The following FLNB variants were observed in gnomAD, a reference collection of about 807,000 sequenced individuals.
FLNB encodes filamin B.
A neutral mutation model predicts 250.6 loss-of-function variants in FLNB; 111 were observed. The ratio of observed to expected loss-of-function variants is 0.44; its 90% CI spans 0.38 to 0.52. The LOEUF is 0.52. Ranked by LOEUF, FLNB falls within the 20% of genes least tolerant of loss-of-function variation. The pLI, the probability that FLNB is intolerant of heterozygous loss-of-function variation, is 0.00. For missense variants in FLNB, 2,869 were observed against 3,447.8 expected, an observed-to-expected ratio of 0.83 and a Z score of 4.20; for synonymous variants, 1,302 against 1,372.1, an observed-to-expected ratio of 0.95 and a Z score of 1.13.
intron 1 of FLNB, among the ~76,000 whole-genome samples, chr3:58,015,785 C>A (rs1024110867): frequency 3.9e-5 from 6 of 152,112 alleles, no homozygotes; most frequent in Non-Finnish European, 7.3e-5. Context: ...GATCTAGGTG[C>A]CAAGCCCTCT....
At chr3:58,137,548 C>A (rs1208261310) in intron 28 of FLNB, among the ~76,000 whole-genome samples, 3 of 152,228 alleles carry the variant, frequency 2.0e-5, no homozygotes, top group Non-Finnish European at 2.9e-5. Flanking sequence ...GTTCTTGCCA[C>A]CCTCCCTATT....
rs577053764 is a variant in FLNB at position 58,076,547 on chromosome 3, C to T, written c.293-499C>T. Among the ~76,000 whole-genome samples, 53 of 152,224 alleles carry T rather than the reference C, an allele frequency of 3.5e-4. No homozygotes were observed. The South Asian group carries it at 9.5e-3, about 27-fold the overall frequency. ...TCAGCTCTCTGCAACTTTCACTTCC[C>T]GGGCTCAAGCGATCCTCCAACCTCA... On this transcript the variant is annotated intron_variant, in intron 1 of 45. Coordinates refer to ENST00000295956, the MANE Select transcript of FLNB (RefSeq NM_001457.4).
chr3:58,135,412 T>G (rs1415174202), intron 27 of FLNB, among the ~76,000 whole-genome samples: 1 of 152,142 alleles, frequency 6.6e-6, no homozygotes, highest in Non-Finnish European at 1.5e-5. Flanking sequence ...CTGCCAGTGC[T>G]CTGGCCATCA....
rs369261330 is a variant in FLNB, at chr3:58,125,756, C to G, written c.4061+13C>G. 207 of 1,613,586 alleles carry G rather than the reference C, an allele frequency of 1.3e-4. No individual in the cohort carries two copies. The highest frequency in any genetic ancestry group is 1.6e-4 in the Non-Finnish European group (190 of 1,179,762). ...CCGTGGTTACCAGGTAGGCAAGGCC[C>G]TACATTTGGTGTCTTGAGTCTCACT... On this transcript the variant is annotated intron_variant, in intron 23 of 45. Coordinates refer to ENST00000295956, the MANE Select transcript of FLNB (RefSeq NM_001457.4).
intron 8 of FLNB, among the ~76,000 whole-genome samples, chr3:58,100,674 T>A (rs1183827143): frequency 1.3e-5 from 2 of 150,160 alleles, no homozygotes; most frequent in African/African-American, 2.5e-5. Flanking sequence ...CTTGGCTCAC[T>A]GCAGCTTCTG....
chr3:58,076,765 T>TTATGGAAAATTTTAGGCG (rs1239478992), intron 1 of FLNB, among the ~76,000 whole-genome samples: 2 of 152,090 alleles, frequency 1.3e-5, no homozygotes, highest in Non-Finnish European at 2.9e-5. Flanking sequence ...CTGGCCATTA[T>TTATGGAAAATTTTAGGCG]TATGGAAAAT....
chr3:58,079,985 G>A (rs1047901226), intron 3 of FLNB, among the ~76,000 whole-genome samples: 2 of 152,126 alleles, frequency 1.3e-5, no homozygotes, highest in African/African-American at 2.4e-5. Context: ...TGGTTTCTTG[G>A]CTCGTCCACC....
At chr3:58,149,698 C>T in intron 36 of FLNB, 152 bp from the exon 37 acceptor site, 1 of 908,674 alleles carries the variant, frequency 1.1e-6, no homozygotes, top group Non-Finnish European at 1.7e-6. Context: ...TACTCATCCC[C>T]CTCTGGGCTT....
chr3:58,155,974 T>G lies in FLNB; in HGVS notation c.6787T>G (p.Ser2263Ala), dbSNP rs1575468854. The G allele has an allele frequency of 6.2e-7, 1 of 1,611,816 alleles. No individual in the cohort carries two copies. Among genetic ancestry groups the G allele is most frequent in the East Asian group, 2.2e-5 (1 of 44,874 alleles). The stretch of plus-strand genomic sequence containing the variant: ...TGTCCTCATAGGTAACTACGAGGTG[T>G]CCATCAAGTTCAATGATGAGCACAT... ...IAQEPGNYEV[S>A]IKFNDEHIPE... is the part of the protein sequence containing the mutation. The change falls in exon 41 of 46, where the codon TCC becomes GCC. Residue 2263 changes from serine to alanine, a missense_variant. By Grantham distance (99) the Ser-to-Ala change is moderately conservative. Transcript: ENST00000295956.
chr3:58,143,635 A>G (rs1231471495), intron 32 of FLNB, 22 bp downstream of exon 32: 7 of 1,613,254 alleles, frequency 4.3e-6, no homozygotes, highest in Non-Finnish European at 5.9e-6. Context: ...CAGCAGGCCC[A>G]GCAGGGCTCC....
At chr3:58,115,023 C>T (rs891257585) in intron 18 of FLNB, among the ~76,000 whole-genome samples, 4 of 152,146 alleles carry the variant, frequency 2.6e-5, no homozygotes, top group African/African-American at 9.7e-5. Flanking sequence ...TAACAGTTCT[C>T]GTGTGCAGGT....
rs747540841 is a variant in FLNB at position 58,102,303 on chromosome 3, A to G, written c.1446A>G (p.Ala482=). 2.5e-6 allele frequency: 4 copies of G among 1,614,116 alleles called. No homozygotes were observed. In the African/African-American group the frequency reaches 4.0e-5, roughly 16 times the overall value. Reference sequence around the variant, plus strand: ...ATTTCAAGGTTGACACCAAAGCTGCAGGAAGTGGGGAGCTCGGTGTAACCA... The same window carrying G: ...ATTTCAAGGTTGACACCAAAGCTGCGGGAAGTGGGGAGCTCGGTGTAACCA... ...TTDFKVDTKA[A]GSGELGVTMK... is the part of the protein sequence containing the mutation. The change falls in exon 9 of 46, where the codon GCA becomes GCG. Residue 482 remains alanine, a synonymous_variant. Coordinates refer to ENST00000295956, the MANE Select transcript of FLNB (RefSeq NM_001457.4).
chr3:58,161,668 A>T (rs2097361985), intron 42 of FLNB, among the ~76,000 whole-genome samples: 3 of 152,338 alleles, frequency 2.0e-5, no homozygotes, highest in South Asian at 2.1e-4. Flanking sequence ...GACATCCAAG[A>T]CAGGTTTCAG....
chr3:58,160,808 C>T (rs1164110011), intron 42 of FLNB, among the ~76,000 whole-genome samples: 1 of 151,290 alleles, frequency 6.6e-6, no homozygotes, highest in African/African-American at 2.4e-5. Flanking sequence ...TAGTGAGACC[C>T]CTTCTCTACA....
chr3:58,019,659 G>C (rs1373261745), intron 1 of FLNB, among the ~76,000 whole-genome samples: 1 of 148,010 alleles, frequency 6.8e-6, no homozygotes, highest in Non-Finnish European at 1.5e-5. Flanking sequence ...AGAAGAGACT[G>C]TTTTCTGCTT....
intron 1 of FLNB, among the ~76,000 whole-genome samples, chr3:58,063,936 G>T (rs906731178): frequency 6.6e-6 from 1 of 151,710 alleles, no homozygotes; most frequent in Non-Finnish European, 1.5e-5. Context: ...AGGAAACATA[G>T]CCTAATATGA....
Position 58,008,443 on chromosome 3 carries a change from C to A in FLNB, c.-122C>A, listed in dbSNP as rs1302903618. Reference sequence around the variant, plus strand: ...CCGCAGAGCAGCACCGGCCGTGGCTCCGGTAGCAGCAAGTTCGAACCCCGC... The same window carrying A: ...CCGCAGAGCAGCACCGGCCGTGGCTACGGTAGCAGCAAGTTCGAACCCCGC... On this transcript the variant is annotated 5_prime_UTR_variant, in exon 1 of 46. Coordinates refer to ENST00000295956, the MANE Select transcript of FLNB (RefSeq NM_001457.4). 2 of 1,205,418 alleles carry A rather than the reference C, an allele frequency of 1.7e-6. No individual in the cohort carries two copies. Among genetic ancestry groups the A allele is most frequent in the African/African-American group, 1.5e-5 (1 of 66,428 alleles). 74.7% of individuals were successfully genotyped at this position (1,205,418 alleles called of 1,614,324 possible). A position where few individuals can be genotyped will look rare whatever the true frequency, so the allele number is the denominator to read the frequency against.
intron 31 of FLNB, among the ~76,000 whole-genome samples, chr3:58,143,179 A>C (rs755217468): frequency 6.6e-6 from 1 of 151,748 alleles, no homozygotes; most frequent in Non-Finnish European, 1.5e-5. Flanking sequence ...TTGATGCTCT[A>C]TGTATCCAGC....
At chr3:58,021,626 G>GTGTC (rs2097114184) in intron 1 of FLNB, among the ~76,000 whole-genome samples, 1 of 152,144 alleles carries the variant, frequency 6.6e-6, no homozygotes, top group Non-Finnish European at 1.5e-5. Flanking sequence ...TGTGATCCAG[G>GTGTC]TGTCACATTA....
Sources: gnomAD v4.1 joint callset for allele counts (sites outside exome capture counted in the v4.1 genomes callset) on GRCh38, gnomAD v4.1.1 for gene constraint, MANE v1.5 for transcripts, NCBI Gene and HGNC (gene_info 2026-07-23, HGNC 2026-07-21) for gene names.